MTUS1: variants seen among roughly 807,000 people sequenced by gnomAD.
The protein encoded by MTUS1 is microtubule-associated tumor suppressor 1.
A neutral mutation model predicts 120.8 loss-of-function variants in MTUS1; 109 were observed. The observed-to-expected ratio is 0.90, with a 90% CI of 0.77 to 1.06. The LOEUF is 1.06. MTUS1 is among the 50% of genes least tolerant of loss of function. The pLI is 0.00. For missense variants in MTUS1, 2,210 were observed against 1,486.3 expected (o/e 1.49, Z -8.01); for synonymous variants, 737 against 550.5 (o/e 1.34, Z -4.74).
At chr8:17,722,059 C>T (rs1342881336) in intron 4 of MTUS1, 1 of 1,321,320 alleles carries the variant, frequency 7.6e-7, no homozygotes, top group African/African-American at 1.5e-5. Flanking sequence ...GCTAGCAAAT[C>T]AAACTAAGAA....
intron 3 of MTUS1, 26 bp downstream of exon 3, chr8:17,743,578 A>T (rs745735403): frequency 6.3e-6 from 10 of 1,594,000 alleles, no homozygotes; most frequent in Admixed American, 1.7e-5. Context: ...ATTAACTCAT[A>T]AACTATTGAA....
chr8:17,723,499 G>A lies in MTUS1; in HGVS notation c.2449+173C>T, dbSNP rs952892995. ...ACTTTAACACATAATTATTTCAAGA[G>A]TGTTTTTCAAAGAATTTTTTTTCTG... On this transcript the variant is annotated intron_variant, in intron 4 of 14. Coordinates refer to ENST00000693296, the MANE Select transcript of MTUS1 (RefSeq NM_001363059.2). 11 of 694,492 alleles carry A rather than the reference G, an allele frequency of 1.6e-5. No individual in the cohort carries two copies. The Admixed American group carries it at 1.7e-4, about 11-fold the overall frequency. 43.0% of individuals were successfully genotyped at this position (694,492 alleles called of 1,614,324 possible).
At chr8:17,798,252 T>G (rs553684256) in intron 1 of MTUS1, among the ~76,000 whole-genome samples, 5 of 152,334 alleles carry the variant, frequency 3.3e-5, no homozygotes, top group Admixed American at 3.3e-4. Context: ...CATCAACAAA[T>G]GCAATTAGTT....
At chr8:17,723,933 T>C (rs2046021988) in intron 3 of MTUS1, 100 bp from the exon 4 acceptor site, 1 of 896,770 alleles carries the variant, frequency 1.1e-6, no homozygotes. Flanking sequence ...AACAACAAAG[T>C]CAAAACACAA....
chr8:17,671,332 G>A (rs192245576), intron 8 of MTUS1, among the ~76,000 whole-genome samples: 7 of 148,866 alleles, frequency 4.7e-5, no homozygotes, highest in Non-Finnish European at 8.9e-5. Flanking sequence ...GAGTACCCAA[G>A]AAAACAGAAA....
chr8:17,716,716 G>C (rs1053322537), intron 4 of MTUS1: 3 of 152,154 alleles, frequency 2.0e-5, no homozygotes, highest in Admixed American at 6.6e-5. Flanking sequence ...GGCCACACCC[G>C]GCTCATTTTT....
chr8:17,667,555 G>GT (rs1259918253), intron 8 of MTUS1, among the ~76,000 whole-genome samples: 8 of 152,168 alleles, frequency 5.3e-5, no homozygotes, highest in Non-Finnish European at 1.0e-4. Flanking sequence ...GCAATGTACT[G>GT]TTTTTTGCAA....
At position 17,753,699 on chromosome 8, in the gene MTUS1, T is replaced by A. The variant is rs575488179; in HGVS notation, c.2091+18A>T. Reference sequence around the variant, plus strand: ...ACAGTTCTCTGAAGCATGCAAAAAATATATATATATTACTTACCAAAAACA... The same window carrying A: ...ACAGTTCTCTGAAGCATGCAAAAAAAATATATATATTACTTACCAAAAACA... On this transcript the variant is annotated intron_variant, in intron 2 of 14. Coordinates refer to ENST00000693296, the MANE Select transcript of MTUS1 (RefSeq NM_001363059.2). 8.3e-5 allele frequency: 119 copies of A among 1,427,616 alleles called. No homozygotes were observed. In the East Asian group the frequency reaches 1.0e-3, roughly 13 times the overall value. 88.4% of individuals were successfully genotyped at this position (1,427,616 alleles called of 1,614,324 possible).
chr8:17,730,956 T>A (rs1044456456), intron 3 of MTUS1, among the ~76,000 whole-genome samples: 1 of 151,624 alleles, frequency 6.6e-6, no homozygotes. Flanking sequence ...AAAAAATTGT[T>A]AAAATGGCAC....
Position 17,723,218 on chromosome 8 carries a change from G to A in MTUS1, c.2449+454C>T, listed in dbSNP as rs115837238. 677 of 181,302 alleles carry A rather than the reference G, an allele frequency of 3.7e-3. 6 individuals carry two copies. Among genetic ancestry groups the A allele is most frequent in the African/African-American group, 0.015 (633 of 42,218 alleles). 11.2% of individuals were successfully genotyped at this position (181,302 alleles called of 1,614,324 possible). A position where few individuals can be genotyped will look rare whatever the true frequency, so the allele number is the denominator to read the frequency against. ...TTTATACACAGAAAATAGAACTCAC[G>A]TTAACTGAAAACTTTAACAAAATTC... On this transcript the variant is annotated intron_variant, in intron 4 of 14. Coordinates refer to ENST00000693296, the MANE Select transcript of MTUS1 (RefSeq NM_001363059.2).
At chr8:17,646,189 A>G in intron 14 of MTUS1, 50 bp from the exon 15 acceptor site, 1 of 1,485,516 alleles carries the variant, frequency 6.7e-7, no homozygotes, top group Non-Finnish European at 9.0e-7. Flanking sequence ...AAAAAAAAAA[A>G]CTTGAAAAAT....
chr8:17,726,297 T>C (rs1368600191), intron 3 of MTUS1, among the ~76,000 whole-genome samples: 1 of 152,200 alleles, frequency 6.6e-6, no homozygotes, highest in African/African-American at 2.4e-5. Context: ...TGTGAGCTTA[T>C]CCTGCCAGGA....
At chr8:17,713,529 C>G (rs921466910) in intron 5 of MTUS1, among the ~76,000 whole-genome samples, 2 of 152,126 alleles carry the variant, frequency 1.3e-5, no homozygotes, top group Non-Finnish European at 2.9e-5. Flanking sequence ...TTTTTTCAGT[C>G]AAGAACAGCT....
chr8:17,781,898 C>A (rs2050902636), intron 1 of MTUS1, among the ~76,000 whole-genome samples: 1 of 152,158 alleles, frequency 6.6e-6, no homozygotes, highest in Non-Finnish European at 1.5e-5. Context: ...AGAAACCCTT[C>A]AGAAGCCAGG....
At chr8:17,799,906 T>C (rs981419310) in intron 1 of MTUS1, among the ~76,000 whole-genome samples, 2 of 152,104 alleles carry the variant, frequency 1.3e-5, no homozygotes, top group African/African-American at 4.8e-5. Context: ...ATCTTTTCTT[T>C]GTATAGCTTT....
chr8:17,773,322 A>C (rs1401097769), intron 1 of MTUS1, among the ~76,000 whole-genome samples: 1 of 152,186 alleles, frequency 6.6e-6, no homozygotes, highest in Non-Finnish European at 1.5e-5. Context: ...CATGCTAGCC[A>C]CACTGTCATT....
At chr8:17,778,984 CAAAATAGACAAA>C (rs2050668642) in intron 1 of MTUS1, among the ~76,000 whole-genome samples, 1 of 151,948 alleles carries the variant, frequency 6.6e-6, no homozygotes, top group African/African-American at 2.4e-5. Flanking sequence ...ACAGAGTGAA[CAAAATAGACAAA>C]AAAATAGACA....
At position 17,710,199 on chromosome 8, in the gene MTUS1, A is replaced by G. The variant is rs568705026; in HGVS notation, c.2623+3015T>C. Reference sequence around the variant, plus strand: ...TGTGGCAATTTAAAGTAAGACAGCAATGAAGTTTGCGACATCAATTGACTC... The same window carrying G: ...TGTGGCAATTTAAAGTAAGACAGCAGTGAAGTTTGCGACATCAATTGACTC... On this transcript the variant is annotated intron_variant, in intron 6 of 14. Transcript: ENST00000693296. 4.5e-4 allele frequency among the ~76,000 whole-genome samples: 69 copies of G among 152,262 alleles called. 1 individual carries two copies. Among genetic ancestry groups the G allele is most frequent in the African/African-American group, 1.5e-3 (61 of 41,540 alleles).
intron 1 of MTUS1, among the ~76,000 whole-genome samples, chr8:17,764,105 A>G (rs796781377): frequency 2.0e-5 from 3 of 152,346 alleles, no homozygotes; most frequent in African/African-American, 7.2e-5. Flanking sequence ...AACAGTGATG[A>G]TAGATATTCT....
Sources: gnomAD v4.1 joint callset for allele counts (sites outside exome capture counted in the v4.1 genomes callset) on GRCh38, gnomAD v4.1.1 for gene constraint, MANE v1.5 for transcripts, NCBI Gene and HGNC (gene_info 2026-07-23, HGNC 2026-07-21) for gene names.